Variants in SAMMSON observed in about 807,000 individuals in gnomAD.
The protein encoded by SAMMSON is survival associated mitochondrial melanoma specific oncogenic non-coding RNA, also known as long intergenic non-protein coding RNA 1212.
chr3:70,369,814 G>C (rs1438342377), intron 9 of SAMMSON, among the ~76,000 whole-genome samples: 2 of 151,620 alleles, frequency 1.3e-5, no homozygotes, highest in East Asian at 3.9e-4. Flanking sequence ...CTATGTGTTG[G>C]GGGCATTTCA....
At chr3:70,324,251 T>C (rs578065085) in intron 7 of SAMMSON, among the ~76,000 whole-genome samples, 1 of 152,024 alleles carries the variant, frequency 6.6e-6, no homozygotes, top group Non-Finnish European at 1.5e-5. Context: ...GATCTCCCAG[T>C]GGTTGTATGA....
intron 4 of SAMMSON, among the ~76,000 whole-genome samples, chr3:70,183,008 C>T (rs1414858892): frequency 6.6e-6 from 1 of 152,142 alleles, no homozygotes; most frequent in African/African-American, 2.4e-5. Flanking sequence ...CTTACTCTGA[C>T]AGTTTAGGGA....
chr3:70,076,559 G>A (rs2067249230), intron 4 of SAMMSON, among the ~76,000 whole-genome samples: 1 of 152,136 alleles, frequency 6.6e-6, no homozygotes, highest in African/African-American at 2.4e-5. Context: ...GTGGTTCAGT[G>A]CAGCCTGATT....
intron 2 of SAMMSON, among the ~76,000 whole-genome samples, chr3:70,401,150 T>C (rs957276841): frequency 1.3e-5 from 2 of 152,182 alleles, no homozygotes; most frequent in African/African-American, 4.8e-5. Flanking sequence ...ATTTATATAA[T>C]AGATATTTTG....
At chr3:70,329,613 A>T (rs1308305450) in intron 7 of SAMMSON, among the ~76,000 whole-genome samples, 1 of 152,046 alleles carries the variant, frequency 6.6e-6, no homozygotes, top group African/African-American at 2.4e-5. Context: ...TGATTACAAT[A>T]TCCTGGAGAA....
At chr3:70,413,070 C>A (rs1262285929) in intron 2 of SAMMSON, among the ~76,000 whole-genome samples, 1 of 152,024 alleles carries the variant, frequency 6.6e-6, no homozygotes, top group Non-Finnish European at 1.5e-5. Flanking sequence ...GTCTTAAAAC[C>A]TGTATTTCCT....
chr3:70,176,287 A>G (rs980659346), intron 4 of SAMMSON, among the ~76,000 whole-genome samples: 1 of 152,186 alleles, frequency 6.6e-6, no homozygotes, highest in Non-Finnish European at 1.5e-5. Context: ...CTGATTGCTC[A>G]GGCGAAACCC....
chr3:70,327,586 A>T (rs1702588858), intron 7 of SAMMSON, among the ~76,000 whole-genome samples: 1 of 152,182 alleles, frequency 6.6e-6, no homozygotes, highest in African/African-American at 2.4e-5. Context: ...AATCCGTCCA[A>T]GTGAGGAAAC....
In SAMMSON at chr3:70,408,058, C is replaced by A. The variant is rs35502096; in HGVS notation, n.233+49734C>A. ...TTGAGGCTTGCACCCTCTGAAGCCA[C>A]GGCCCAAGCTCTAGGTTGGTCTCTT... is the stretch of plus-strand genomic sequence containing the variant. On this transcript the variant is annotated intron_variant and non_coding_transcript_variant, in intron 2 of 3. Transcript: ENST00000641053. Among the ~76,000 whole-genome samples the A allele has an allele frequency of 1.2e-3, 177 of 152,214 alleles. 2 individuals carry two copies. The highest frequency in any genetic ancestry group is 4.0e-3 in the African/African-American group (167 of 41,546).
chr3:70,306,222 G>A (rs1702398834), intron 7 of SAMMSON, among the ~76,000 whole-genome samples: 1 of 152,118 alleles, frequency 6.6e-6, no homozygotes, highest in African/African-American at 2.4e-5. Flanking sequence ...TCCTGCCTCA[G>A]ACTCCCGAGT....
At chr3:70,215,290 T>TA (rs1158891141) in intron 4 of SAMMSON, among the ~76,000 whole-genome samples, 1 of 152,062 alleles carries the variant, frequency 6.6e-6, no homozygotes, top group Non-Finnish European at 1.5e-5. Flanking sequence ...TACTTGAACT[T>TA]ACGTCTTCTA....
Position 70,367,747 on chromosome 3 carries a change from T to A in SAMMSON, n.913+9423T>A, listed in dbSNP as rs1702932607. On this transcript the variant is annotated intron_variant and non_coding_transcript_variant, in intron 9 of 9. Transcript: ENST00000642114. ...TTTCTTTTGGATATATACCTTGTAG[T>A]GAGATTGCTGGCTTACAAGATAGTT... Among the ~76,000 whole-genome samples, 7 of 151,804 alleles carry A rather than the reference T, an allele frequency of 4.6e-5. No individual in the cohort carries two copies. In the South Asian group the frequency reaches 1.4e-3, roughly 31 times the overall value.
intron 2 of SAMMSON, among the ~76,000 whole-genome samples, chr3:70,395,070 T>G (rs750423942): frequency 3.9e-5 from 6 of 152,214 alleles, no homozygotes; most frequent in Admixed American, 1.3e-4. Flanking sequence ...TGTTTCTGGT[T>G]TGAGAACCAT....
At position 70,340,204 on chromosome 3, in the gene SAMMSON, G is replaced by C. The variant is rs181647717; in HGVS notation, n.740-13971G>C. Among the ~76,000 whole-genome samples, 305 of 143,352 alleles carry C rather than the reference G, an allele frequency of 2.1e-3. 2 individuals carry two copies. Among genetic ancestry groups the C allele is most frequent in the Admixed American group, 3.8e-3 (53 of 13,984 alleles). 94.0% of individuals were successfully genotyped at this position (143,352 alleles called of 152,430 possible). A position where few individuals can be genotyped will look rare whatever the true frequency, so the allele number is the denominator to read the frequency against. On this transcript the variant is annotated intron_variant and non_coding_transcript_variant, in intron 7 of 9. Coordinates refer to ENST00000642114, the Ensembl canonical transcript of SAMMSON. Reference sequence around the variant, plus strand: ...GGGGATTGAACAATGAGAACACTTGGACACAGGGTGGGGAACATCACACAC... The same window carrying C: ...GGGGATTGAACAATGAGAACACTTGCACACAGGGTGGGGAACATCACACAC...
At chr3:70,118,269 A>G (rs564160596) in intron 4 of SAMMSON, among the ~76,000 whole-genome samples, 113 of 152,256 alleles carry the variant, frequency 7.4e-4, no homozygotes, top group African/African-American at 2.6e-3. Flanking sequence ...TTGGTTGCCA[A>G]TTTAGACCAT....
chr3:70,336,806 T>C (rs955526830), intron 7 of SAMMSON, among the ~76,000 whole-genome samples: 4 of 133,084 alleles, frequency 3.0e-5, no homozygotes, highest in African/African-American at 1.1e-4. Context: ...TTAAACATAA[T>C]AGAAAGTTTG....
intron 4 of SAMMSON, among the ~76,000 whole-genome samples, chr3:70,124,063 G>A (rs906578111): frequency 1.3e-5 from 2 of 152,180 alleles, no homozygotes; most frequent in Admixed American, 6.5e-5. Flanking sequence ...GTACCCTGGG[G>A]AAGTCACAAT....
chr3:70,191,137 A>C (rs1350630396), intron 4 of SAMMSON, among the ~76,000 whole-genome samples: 1 of 152,226 alleles, frequency 6.6e-6, no homozygotes, highest in Non-Finnish European at 1.5e-5. Flanking sequence ...ATAGGCAGAA[A>C]GTGCTGAAAG....
intron 6 of SAMMSON, among the ~76,000 whole-genome samples, chr3:70,259,765 G>T (rs958682577): frequency 6.6e-6 from 1 of 152,098 alleles, no homozygotes; most frequent in Non-Finnish European, 1.5e-5. Flanking sequence ...TTTTCATACC[G>T]GTATAAAAAC....
Sources: allele counts gnomAD v4.1 joint callset (sites outside exome capture counted in the v4.1 genomes callset), GRCh38; gene constraint gnomAD v4.1.1; transcripts MANE v1.5; gene names NCBI Gene and HGNC (gene_info 2026-07-23, HGNC 2026-07-21).